The following STOX1 variants were observed in gnomAD, a reference collection of about 807,000 sequenced individuals.
The protein encoded by STOX1 is storkhead-box protein 1.
In STOX1, 57 loss-of-function variants were observed where a neutral mutation model predicts 74.8. The observed-to-expected ratio is 0.76, with a 90% CI of 0.62 to 0.95. STOX1 has a LOEUF of 0.95. Among genes scored for constraint, STOX1 ranks in the 40% least tolerant of loss-of-function variants. The pLI is 0.00. For missense variants in STOX1, 1,010 were observed against 1,117.0 expected, an observed-to-expected ratio of 0.90 and a Z score of 1.37; for synonymous variants, 375 against 401.3, an observed-to-expected ratio of 0.93 and a Z score of 0.78.
Position 68,886,268 on chromosome 10 carries a change from A to T in STOX1, c.2472A>T (p.Leu824=), listed in dbSNP as rs765357480. 1.2e-6 allele frequency: 2 copies of T among 1,614,056 alleles called. No individual in the cohort carries two copies. The highest frequency in any genetic ancestry group is 2.7e-5 in the African/African-American group (2 of 74,932). ...EPNLSAESCG[L]NSGAQFGFNY... ...ACCTCTCTGCTGAAAGTTGTGGCCT[A>T]AATTCAGGGGCCCAGTTTGGTTTTA... is the stretch of plus-strand genomic sequence containing the variant. The change falls in exon 3 of 4, where the codon CTA becomes CTT. Residue 824 remains leucine (L), a synonymous_variant. Coordinates refer to ENST00000298596, the MANE Select transcript of STOX1 (RefSeq NM_152709.5).
At chr10:68,867,832 C>T (rs759638307) in intron 1 of STOX1, among the ~76,000 whole-genome samples, 38 of 152,254 alleles carry the variant, frequency 2.5e-4, no homozygotes, top group Admixed American at 8.5e-4. Flanking sequence ...ATCCATAGTT[C>T]CTCAGTTCGG....
At chr10:68,847,717 A>G (rs1031459067) in intron 1 of STOX1, among the ~76,000 whole-genome samples, 5 of 147,284 alleles carry the variant, frequency 3.4e-5, no homozygotes, top group African/African-American at 1.3e-4. Context: ...TGGAAGGTAG[A>G]AGTTTTTTTT....
chr10:68,869,894 T>C (rs1309069268), intron 1 of STOX1, among the ~76,000 whole-genome samples: 1 of 152,162 alleles, frequency 6.6e-6, no homozygotes, highest in Non-Finnish European at 1.5e-5. Flanking sequence ...GAAATGCTGA[T>C]CTAGTTCAGT....
At chr10:68,869,774 T>C (rs781767751) in intron 1 of STOX1, among the ~76,000 whole-genome samples, 6 of 152,224 alleles carry the variant, frequency 3.9e-5, no homozygotes, top group Non-Finnish European at 7.3e-5. Flanking sequence ...TCAGAGCCTT[T>C]CACAATACCA....
Position 68,892,870 on chromosome 10 carries a change from A to G in STOX1, c.*134A>G. The stretch of plus-strand genomic sequence containing the variant: ...ATCTATACTATTAACCACATTACAC[A>G]TTTTGTTCTAATTACTGGCTTTTTT... On this transcript the variant is annotated 3_prime_UTR_variant, in exon 4 of 4. Transcript: ENST00000298596. 9.8e-7 allele frequency: 1 copy of G among 1,024,356 alleles called. No individual in the cohort carries two copies. Among genetic ancestry groups the G allele is most frequent in the Non-Finnish European group, 1.4e-6 (1 of 706,400 alleles). The allele number at this position is 1,024,356 out of a possible 1,614,324, so 63.5% of individuals were successfully genotyped here.
At chr10:68,832,351 C>T (rs889577993) in intron 1 of STOX1, among the ~76,000 whole-genome samples, 1 of 152,220 alleles carries the variant, frequency 6.6e-6, no homozygotes, top group Non-Finnish European at 1.5e-5. Context: ...TCACCCCCAG[C>T]AGGGCCTTTC....
At chr10:68,868,543 C>T (rs950601855) in intron 1 of STOX1, among the ~76,000 whole-genome samples, 9 of 152,150 alleles carry the variant, frequency 5.9e-5, no homozygotes, top group African/African-American at 2.2e-4. Flanking sequence ...CACAGTGCTG[C>T]AGAGATCTTG....
chr10:68,870,150 T>A (rs1840503102), intron 1 of STOX1, among the ~76,000 whole-genome samples: 1 of 152,242 alleles, frequency 6.6e-6, no homozygotes, highest in Non-Finnish European at 1.5e-5. Context: ...TTATTTATTT[T>A]ATTTTTTTCT....
At chr10:68,845,056 C>G (rs1276016808) in intron 1 of STOX1, among the ~76,000 whole-genome samples, 1 of 152,000 alleles carries the variant, frequency 6.6e-6, no homozygotes, top group Non-Finnish European at 1.5e-5. Context: ...AGCGACAGTG[C>G]CTGGCCAGCT....
chr10:68,838,636 C>T (rs1435026828), intron 1 of STOX1, among the ~76,000 whole-genome samples: 13 of 152,066 alleles, frequency 8.5e-5, no homozygotes, highest in Admixed American at 5.9e-4. Flanking sequence ...AAGAGCCGGG[C>T]GCGGTGGCTC....
At chr10:68,872,342 C>CTTTTTTTTTTT (rs72451894) in intron 1 of STOX1, among the ~76,000 whole-genome samples, 36 of 89,288 alleles carry the variant, frequency 4.0e-4, no homozygotes, top group South Asian at 1.5e-3. Context: ...TTTTTCTTTT[C>CTTTTTTTTTTT]TTTTTTTTTT....
At chr10:68,870,830 A>G (rs542596578) in intron 1 of STOX1, among the ~76,000 whole-genome samples, 1 of 152,324 alleles carries the variant, frequency 6.6e-6, no homozygotes, top group East Asian at 1.9e-4. Flanking sequence ...ACCATAAGGA[A>G]CTGATATCTG....
chr10:68,865,136 A>G (rs1840370219), intron 1 of STOX1, among the ~76,000 whole-genome samples: 1 of 145,718 alleles, frequency 6.9e-6, no homozygotes, highest in African/African-American at 2.4e-5. Flanking sequence ...TGAATAATGT[A>G]ACACTGTGAA....
intron 3 of STOX1, among the ~76,000 whole-genome samples, chr10:68,889,769 G>C (rs372484794): frequency 5.9e-5 from 9 of 151,908 alleles, no homozygotes; most frequent in African/African-American, 2.2e-4. Context: ...TCACCATGTT[G>C]TCCAGGCTGG....
rs567262116 is a variant in STOX1, at chr10:68,885,772, T to G, written c.1976T>G (p.Val659Gly). ...CGAACACCCTCTGCTTGTAGATTAG[T>G]GGATAACACAATACACCAGTTTCAA... ...SDRTPSACRL[V>G]DNTIHQFQNL... Residue 659 changes from valine (V) to glycine (G), a missense_variant, in exon 3 of 4, where the codon GTG becomes GGG. Coordinates refer to ENST00000298596, the MANE Select transcript of STOX1 (RefSeq NM_152709.5). The G allele has an allele frequency of 1.2e-6, 2 of 1,614,120 alleles. No homozygotes were observed. The highest frequency in any genetic ancestry group is 2.7e-5 in the African/African-American group (2 of 75,022).
At position 68,886,432 on chromosome 10, in the gene STOX1, A is replaced by G; in HGVS notation, c.2636A>G (p.Lys879Arg). Reference protein sequence around the residue: ...VIQDTIGDTGKKPASWSQSPQ... With the variant: ...VIQDTIGDTGRKPASWSQSPQ... ...CAAGACACTATTGGTGACACAGGAA[A>G]GAAGCCAGCTAGCTGGAGTCAGAGT... is the stretch of plus-strand genomic sequence containing the variant. The change falls in exon 3 of 4, where the codon AAG (lysine) becomes AGG (arginine). Residue 879 changes from lysine to arginine, a missense_variant. Lys to Arg is a conservative substitution (Grantham distance 26, BLOSUM62 2). Coordinates refer to ENST00000298596, the MANE Select transcript of STOX1 (RefSeq NM_152709.5). 1 of 1,614,238 alleles carries G rather than the reference A, an allele frequency of 6.2e-7. No homozygotes were observed. The highest frequency in any genetic ancestry group is 8.5e-7 in the Non-Finnish European group (1 of 1,180,034).
intron 1 of STOX1, among the ~76,000 whole-genome samples, chr10:68,856,210 C>T (rs1291788252): frequency 2.0e-5 from 3 of 152,076 alleles, no homozygotes; most frequent in Non-Finnish European, 4.4e-5. Flanking sequence ...GCACCTGGAC[C>T]AAAGCTGTTT....
chr10:68,865,415 C>T (rs891366117), intron 1 of STOX1, among the ~76,000 whole-genome samples: 33 of 152,264 alleles, frequency 2.2e-4, no homozygotes, highest in African/African-American at 5.5e-4. Context: ...TTTGGGAGGC[C>T]GAGGCGTGTG....
chr10:68,865,616 T>C (rs1454881799), intron 1 of STOX1, among the ~76,000 whole-genome samples: 2 of 152,238 alleles, frequency 1.3e-5, no homozygotes, highest in African/African-American at 4.8e-5. Flanking sequence ...GCCACTGCAC[T>C]CCAGCCTGGG....
Sources: gnomAD v4.1 joint callset for allele counts (sites outside exome capture counted in the v4.1 genomes callset) on GRCh38, gnomAD v4.1.1 for gene constraint, MANE v1.5 for transcripts, NCBI Gene and HGNC (gene_info 2026-07-23, HGNC 2026-07-21) for gene names.